Variants in ADNP observed in about 807,000 individuals in gnomAD.
ADNP encodes activity dependent neuroprotector homeobox.
In ADNP, 4 loss-of-function variants were observed where a neutral mutation model predicts 84.9. That is an observed-to-expected ratio of 0.05 (90% CI 0.02 to 0.11). The LOEUF (loss-of-function observed/expected upper bound fraction) is 0.11. ADNP is among the 10% of genes least tolerant of loss of function. The pLI, the probability that ADNP is intolerant of heterozygous loss-of-function variation, is 1.00. For synonymous variants in ADNP, 554 were observed against 468.1 expected (o/e 1.18, Z -2.37); for missense variants, 1,132 against 1,326.0 (o/e 0.85, Z 2.27).
intron 2 of ADNP, among the ~76,000 whole-genome samples, chr20:50,919,315 A>ATATATATATATG: frequency 6.8e-6 from 1 of 147,522 alleles, no homozygotes; most frequent in East Asian, 2.0e-4. Flanking sequence ...ATATATATAT[A>ATATATATATATG]TGTAAAAAGC....
intron 2 of ADNP, among the ~76,000 whole-genome samples, chr20:50,919,496 T>C (rs896833200): frequency 1.3e-5 from 2 of 151,894 alleles, no homozygotes; most frequent in African/African-American, 4.8e-5. Flanking sequence ...TCTATGTCAA[T>C]GACTAGAACA....
At position 50,931,038 on chromosome 20, in the gene ADNP, G is replaced by C. The variant is rs1389478859; in HGVS notation, c.-477C>G. On this transcript the variant is annotated 5_prime_UTR_variant, in exon 1 of 6. Transcript: ENST00000621696. ...CGGGCGCAGCAGAGCGGCGGGCGGC[G>C]GCGGCGTCGTCGAGCGGTGCAGACA... 1.3e-5 allele frequency: 2 copies of C among 148,400 alleles called. No individual in the cohort carries two copies. The highest frequency in any genetic ancestry group is 2.5e-5 in the African/African-American group (1 of 40,782). The allele number at this position is 148,400 out of a possible 1,614,324, so 9.2% of individuals were successfully genotyped here.
At chr20:50,900,613 G>C (rs773365189) in intron 5 of ADNP, among the ~76,000 whole-genome samples, 8 of 152,218 alleles carry the variant, frequency 5.3e-5, no homozygotes, top group Non-Finnish European at 8.8e-5. Flanking sequence ...CACTGTCGTA[G>C]ATGTAGTTCA....
At chr20:50,922,692 G>A (rs191703552) in intron 2 of ADNP, among the ~76,000 whole-genome samples, 90 of 150,736 alleles carry the variant, frequency 6.0e-4, no homozygotes, top group African/African-American at 2.1e-3. Flanking sequence ...CAATTCTCCA[G>A]CCTCAGCCTC....
intron 2 of ADNP, 85 bp from the exon 3 acceptor site, chr20:50,904,934 T>C (rs964275113): frequency 6.6e-6 from 1 of 152,174 alleles, no homozygotes; most frequent in Non-Finnish European, 1.5e-5. Context: ...AGTAATGATA[T>C]GTGACTCGAC....
In ADNP at chr20:50,892,508, T is replaced by TATC. The variant is rs777999072; in HGVS notation, c.2203_2205dup (p.Asp735dup). ...TCTTCAAAGAAGCTGGGTGAATCAC[T>TATC]ATCATCATCTAACTTTCGTTTTTTC... is the stretch of plus-strand genomic sequence containing the variant. On this transcript the variant is annotated inframe_insertion, in exon 6 of 6. Coordinates refer to ENST00000621696, the MANE Select transcript of ADNP (RefSeq NM_001282531.3). The TATC allele has an allele frequency of 6.2e-7, 1 of 1,614,238 alleles. No homozygotes were observed.
At chr20:50,897,033 C>A (rs1360354575) in intron 5 of ADNP, among the ~76,000 whole-genome samples, 2 of 152,210 alleles carry the variant, frequency 1.3e-5, no homozygotes, top group Non-Finnish European at 2.9e-5. Context: ...CCTGCACTTC[C>A]CGGGTTCAAG....
At chr20:50,922,725 C>G (rs891785640) in intron 2 of ADNP, among the ~76,000 whole-genome samples, 17 of 151,624 alleles carry the variant, frequency 1.1e-4, no homozygotes, top group African/African-American at 2.4e-4. Context: ...GATTATAGGC[C>G]CCCACCACTA....
chr20:50,908,392 A>G (rs2122876514), intron 2 of ADNP, among the ~76,000 whole-genome samples: 1 of 152,188 alleles, frequency 6.6e-6, no homozygotes, highest in East Asian at 1.9e-4. Flanking sequence ...GTGATAAGAA[A>G]AAGAAGAGAA....
At chr20:50,906,072 C>T (rs542046852) in intron 2 of ADNP, among the ~76,000 whole-genome samples, 7 of 152,176 alleles carry the variant, frequency 4.6e-5, no homozygotes, top group African/African-American at 1.7e-4. Context: ...ATTAGCTGGA[C>T]GTAGTGGCAC....
rs147089978 is a variant in ADNP at position 50,913,867 on chromosome 20, G to A, written c.-89-9018C>T. The A allele has an allele frequency of 1.2e-3, 683 of 582,418 alleles. 1 individual carries two copies. The highest frequency in any genetic ancestry group is 1.6e-3 in the Non-Finnish European group (479 of 307,154). The allele number at this position is 582,418 out of a possible 1,614,324, so 36.1% of individuals were successfully genotyped here. ...GACAGAAGTGCATTGCATTGGGCAT[G>A]CTCAGCCATACATACATAAATTATT... On this transcript the variant is annotated intron_variant, in intron 2 of 5. Coordinates refer to ENST00000621696, the MANE Select transcript of ADNP (RefSeq NM_001282531.3).
Position 50,891,610 on chromosome 20 carries a change from T to C in ADNP, c.3104A>G (p.Lys1035Arg), listed in dbSNP as rs773199386. 18 of 1,613,880 alleles carry C rather than the reference T, an allele frequency of 1.1e-5. No homozygotes were observed. Among genetic ancestry groups the C allele is most frequent in the East Asian group, 2.2e-5 (1 of 44,900 alleles). The part of the protein sequence containing the change: ...QLKWKNSSYG[K>R]VEGFWSKDQS... ...GTCCTTAGACCAAAACCCTTCAACT[T>C]TTCCATAGGAACTATTCTTCCATTT... Residue 1035 changes from lysine (K) to arginine (R), a missense_variant, in exon 6 of 6, where the codon AAA becomes AGA. Around this residue, in one of 10 missense-constraint regions of ADNP, gnomAD observed 381 missense variants for 319.9 expected, o/e 1.19. Coordinates refer to ENST00000621696, the MANE Select transcript of ADNP (RefSeq NM_001282531.3).
intron 2 of ADNP, among the ~76,000 whole-genome samples, chr20:50,923,883 T>C (rs968637148): frequency 1.3e-5 from 2 of 152,224 alleles, no homozygotes; most frequent in Non-Finnish European, 2.9e-5. Context: ...TGCATTTGGA[T>C]ACTCCCAGTC....
rs1431902476 is a variant in ADNP, at chr20:50,891,518, T to A, written c.3196A>T (p.Asn1066Tyr). Residue 1066 changes from asparagine (N) to tyrosine (Y), a missense_variant, in exon 6 of 6, where the codon AAT (asparagine) becomes TAT (tyrosine). Around this residue, in one of 10 missense-constraint regions of ADNP, gnomAD observed 381 missense variants for 319.9 expected, o/e 1.19. Transcript: ENST00000621696. ...CCATCCTCACTGTCAATTGTGCTATTCTGCCACTCAATCTGGGGGTTAGAT... is the reference window on the plus strand; with the variant it reads ...CCATCCTCACTGTCAATTGTGCTATACTGCCACTCAATCTGGGGGTTAGAT... Reference protein sequence around the residue: ...RLSNPQIEWQNSTIDSEDGEQ... With the variant: ...RLSNPQIEWQYSTIDSEDGEQ... The A allele has an allele frequency of 6.2e-7, 1 of 1,612,132 alleles. No individual in the cohort carries two copies. Among genetic ancestry groups the A allele is most frequent in the Non-Finnish European group, 8.5e-7 (1 of 1,180,032 alleles).
chr20:50,913,937 T>C (rs1983294071), intron 2 of ADNP: 10 of 684,890 alleles, frequency 1.5e-5, no homozygotes, highest in South Asian at 1.1e-4. Flanking sequence ...ATAAAGACTA[T>C]GCGAGATTGG....
intron 2 of ADNP, among the ~76,000 whole-genome samples, chr20:50,912,889 C>T (rs1983173282): frequency 6.6e-6 from 1 of 151,942 alleles, no homozygotes; most frequent in African/African-American, 2.4e-5. Context: ...TTATCTTTTA[C>T]CTGGGGTTGG....
intron 2 of ADNP, among the ~76,000 whole-genome samples, chr20:50,925,231 C>A (rs943556394): frequency 6.6e-6 from 1 of 150,446 alleles, no homozygotes; most frequent in East Asian, 1.9e-4. Context: ...TCACTTTCCA[C>A]AGTTGGCTCA....
chr20:50,898,735 AC>A (rs1165724919), intron 5 of ADNP, among the ~76,000 whole-genome samples: 2 of 152,264 alleles, frequency 1.3e-5, no homozygotes, highest in Non-Finnish European at 2.9e-5. Flanking sequence ...ATGAGATTAA[AC>A]CATGCACAAG....
chr20:50,931,119 G>T lies in ADNP; in HGVS notation c.-558C>A. 1 of 150,862 alleles carries T rather than the reference G, an allele frequency of 6.6e-6. No individual in the cohort carries two copies. Among genetic ancestry groups the T allele is most frequent in the South Asian group, 1.8e-4 (1 of 5,660 alleles). The allele number at this position is 150,862 out of a possible 1,614,324, so 9.3% of individuals were successfully genotyped here. A position where few individuals can be genotyped will look rare whatever the true frequency, so the allele number is the denominator to read the frequency against. Reference sequence around the variant, plus strand: ...GTGGGAGAGGCGGCTTCACCGGCGCGGGCGGCGGCGGCCGCGCTCCTCTCG... The same window carrying T: ...GTGGGAGAGGCGGCTTCACCGGCGCTGGCGGCGGCGGCCGCGCTCCTCTCG... On this transcript the variant is annotated 5_prime_UTR_variant, in exon 1 of 6. Coordinates refer to ENST00000621696, the MANE Select transcript of ADNP (RefSeq NM_001282531.3).
Sources: gnomAD v4.1 joint callset for allele counts (sites outside exome capture counted in the v4.1 genomes callset) on GRCh38, gnomAD v4.1.1 for gene constraint, gnomAD v4.1.1 regional missense constraint, MANE v1.5 for transcripts, NCBI Gene and HGNC (gene_info 2026-07-23, HGNC 2026-07-21) for gene names.